The following USP14 variants were observed in gnomAD, a reference collection of about 807,000 sequenced individuals.
The protein encoded by USP14 is ubiquitin carboxyl-terminal hydrolase 14.
In USP14, 38 loss-of-function variants were observed where a neutral mutation model predicts 76.5. The ratio of observed to expected loss-of-function variants is 0.50; its 90% CI spans 0.38 to 0.65. The LOEUF is 0.65. USP14 is among the 30% of genes least tolerant of loss of function. The pLI, the probability that USP14 is intolerant of heterozygous loss-of-function variation, is 0.00. For synonymous variants in USP14, 192 were observed against 191.7 expected, an observed-to-expected ratio of 1.00 and a Z score of -0.01; for missense variants, 467 against 586.5, an observed-to-expected ratio of 0.80 and a Z score of 2.10.
At position 163,405 on chromosome 18, in the gene USP14, A is replaced by C. The variant is rs1598261470; in HGVS notation, c.114A>C (p.Gly38=). 6.2e-7 allele frequency: 1 copy of C among 1,613,786 alleles called. No homozygotes were observed. Among genetic ancestry groups the C allele is most frequent in the Non-Finnish European group, 8.5e-7 (1 of 1,179,914 alleles). Reference sequence around the variant, plus strand: ...AGGCTCAGCTGTTTGCGTTGACTGGAGTCCAGCCTGCCAGACAGAAAGTTA... The same window carrying C: ...AGGCTCAGCTGTTTGCGTTGACTGGCGTCCAGCCTGCCAGACAGAAAGTTA... ...VFKAQLFALT[G]VQPARQKVMV... Residue 38 remains glycine, a synonymous_variant, in exon 2 of 16, where the codon GGA becomes GGC. Coordinates refer to ENST00000261601, the MANE Select transcript of USP14 (RefSeq NM_005151.4).
chr18:175,813 C>T (rs1220085351), intron 3 of USP14, among the ~76,000 whole-genome samples: 2 of 151,836 alleles, frequency 1.3e-5, no homozygotes, highest in African/African-American at 4.8e-5. Flanking sequence ...GATATTTTTT[C>T]TTTAAATGTT....
intron 6 of USP14, 164 bp from the exon 7 acceptor site, chr18:196,473 G>C (rs1026750462): frequency 1.7e-6 from 1 of 576,234 alleles, no homozygotes; most frequent in African/African-American, 2.0e-5. Flanking sequence ...GCGGTGAGCC[G>C]AGATCGCGCC....
intron 6 of USP14, among the ~76,000 whole-genome samples, chr18:193,181 CTG>C (rs1910138707): frequency 6.6e-6 from 1 of 152,006 alleles, no homozygotes; most frequent in Admixed American, 6.6e-5. Flanking sequence ...GGGGTTGACT[CTG>C]GGGATAGCCA....
At chr18:184,157 T>G (rs2143026856) in intron 5 of USP14, among the ~76,000 whole-genome samples, 1 of 152,350 alleles carries the variant, frequency 6.6e-6, no homozygotes, top group South Asian at 2.1e-4. Flanking sequence ...AAGTGAAAGT[T>G]ACTTTTTTCG....
chr18:194,400 C>G (rs530889952), intron 6 of USP14, among the ~76,000 whole-genome samples: 86 of 152,214 alleles, frequency 5.6e-4, no homozygotes, highest in African/African-American at 1.5e-3. Context: ...AAATACTGTT[C>G]TTTACATTTT....
At position 213,990 on chromosome 18, in the gene USP14, G is replaced by GATAGAT; in HGVS notation, c.*2708_*2713dup. 6.7e-6 allele frequency: 1 copy of GATAGAT among 149,656 alleles called. No individual in the cohort carries two copies. The highest frequency in any genetic ancestry group is 6.7e-5 in the Admixed American group (1 of 14,886). The allele number at this position is 149,656 out of a possible 1,614,324, so 9.3% of individuals were successfully genotyped here. A position where few individuals can be genotyped will look rare whatever the true frequency, so the allele number is the denominator to read the frequency against. ...GATAGATAGATTAGATAGATAGATA[G>GATAGAT]ATAGATAGATGATGATTGATTGATG... On this transcript the variant is annotated 3_prime_UTR_variant, in exon 16 of 16. Transcript: ENST00000261601.
rs763779700 is a variant in USP14, at chr18:214,601, TTAA to T, written c.*3321_*3323del. On this transcript the variant is annotated 3_prime_UTR_variant, in exon 16 of 16. Coordinates refer to ENST00000261601, the MANE Select transcript of USP14 (RefSeq NM_005151.4). ...CTTGGTAACAAAATCTATCACAGTTTTAATAAAAAGAAAAAAAAAAGAAGCTAA... is the reference window on the plus strand; with the variant it reads ...CTTGGTAACAAAATCTATCACAGTTTTAAAAAGAAAAAAAAAAGAAGCTAA... The T allele has an allele frequency of 3.0e-5, 47 of 1,575,188 alleles. No homozygotes were observed. The South Asian group carries it at 5.4e-4, about 18-fold the overall frequency.
chr18:180,070 G>T (rs1307517312), intron 4 of USP14, among the ~76,000 whole-genome samples, 166 bp from the exon 5 acceptor site: 2 of 147,878 alleles, frequency 1.4e-5, no homozygotes, highest in Admixed American at 1.4e-4. Flanking sequence ...ACTTTTTTTT[G>T]GGGGAAATAA....
At chr18:179,498 T>G (rs1330395369) in intron 4 of USP14, among the ~76,000 whole-genome samples, 1 of 151,958 alleles carries the variant, frequency 6.6e-6, no homozygotes, top group East Asian at 1.9e-4. Context: ...AAAATCAGTT[T>G]AGAAACTGGT....
intron 6 of USP14, among the ~76,000 whole-genome samples, chr18:194,467 T>G (rs911556335): frequency 6.6e-6 from 1 of 152,246 alleles, no homozygotes; most frequent in Non-Finnish European, 1.5e-5. Flanking sequence ...ACAGAAAAGT[T>G]GTAAGAATTC....
chr18:197,069 G>T (rs1328362987), intron 7 of USP14, among the ~76,000 whole-genome samples: 1 of 152,162 alleles, frequency 6.6e-6, no homozygotes, highest in Non-Finnish European at 1.5e-5. Flanking sequence ...CTAGCCCCTG[G>T]CTTTCTCTCT....
chr18:191,765 A>G (rs1910095116), intron 5 of USP14, among the ~76,000 whole-genome samples: 1 of 152,204 alleles, frequency 6.6e-6, no homozygotes, highest in Non-Finnish European at 1.5e-5. Flanking sequence ...TTGCTCCACA[A>G]TCTTGCCGAT....
chr18:159,276 C>G (rs375507532), intron 1 of USP14, among the ~76,000 whole-genome samples: 1 of 152,190 alleles, frequency 6.6e-6, no homozygotes, highest in African/African-American at 2.4e-5. Flanking sequence ...GTTTTCGTTT[C>G]ATCAAACGTT....
At chr18:165,369 AACAC>A (rs755153450) in intron 2 of USP14, among the ~76,000 whole-genome samples, 2 of 152,216 alleles carry the variant, frequency 1.3e-5, no homozygotes, top group Non-Finnish European at 2.9e-5. Flanking sequence ...TGGGCAGTAA[AACAC>A]ACGTTGGAGG....
intron 5 of USP14, among the ~76,000 whole-genome samples, chr18:188,800 C>G (rs933319962): frequency 4.1e-4 from 62 of 152,148 alleles, no homozygotes; most frequent in African/African-American, 1.4e-3. Context: ...GCCTCAGCCT[C>G]CCAAGTAGCT....
At chr18:171,652 C>A (rs1909467480) in intron 3 of USP14, among the ~76,000 whole-genome samples, 1 of 152,118 alleles carries the variant, frequency 6.6e-6, no homozygotes, top group African/African-American at 2.4e-5. Context: ...TATTCTGCAG[C>A]CCATGGATCA....
chr18:179,377 T>C (rs1470367243), intron 4 of USP14, among the ~76,000 whole-genome samples: 1 of 152,072 alleles, frequency 6.6e-6, no homozygotes, highest in African/African-American at 2.4e-5. Flanking sequence ...GTATTTACTA[T>C]TACTATTTTA....
At chr18:208,047 C>G (rs1360844806) in intron 13 of USP14, among the ~76,000 whole-genome samples, 1 of 151,794 alleles carries the variant, frequency 6.6e-6, no homozygotes, top group African/African-American at 2.4e-5. Context: ...GTGGAACAGT[C>G]TGCTTAGAGA....
At chr18:193,095 GA>G (rs1475484617) in intron 6 of USP14, among the ~76,000 whole-genome samples, 195 bp downstream of exon 6, 1 of 152,124 alleles carries the variant, frequency 6.6e-6, no homozygotes, top group African/African-American at 2.4e-5. Context: ...TGTCGTTTGT[GA>G]AAAATAATCT....
Sources: allele counts gnomAD v4.1 joint callset (sites outside exome capture counted in the v4.1 genomes callset), GRCh38; gene constraint gnomAD v4.1.1; transcripts MANE v1.5; gene names NCBI Gene and HGNC (gene_info 2026-07-23, HGNC 2026-07-21).